Variants in ATG16L1 observed in about 807,000 individuals in gnomAD.
ATG16L1 encodes autophagy related 16 like 1.
In ATG16L1, 37 loss-of-function variants were observed where a neutral mutation model predicts 88.5. That is an observed-to-expected ratio of 0.42 (90% CI 0.32 to 0.55). The LOEUF is 0.55. ATG16L1 is among the 20% of genes least tolerant of loss of function. ATG16L1 has a pLI of 0.13. For synonymous variants in ATG16L1, 301 were observed against 281.0 expected (o/e 1.07, Z -0.71); for missense variants, 554 against 752.8 (o/e 0.74, Z 3.09).
chr2:233,274,686 G>A lies in ATG16L1; in HGVS notation c.862G>A (p.Val288Ile), dbSNP rs781331480. ...SITNIFGRRSVSSFPVPQDNV... is the reference protein window; with the variant it reads ...SITNIFGRRSISSFPVPQDNV... ...TATGTTATTTCTTAGGAGACGCTCT[G>A]TCTCTTCCTTCCCAGTCCCCCAGGA... is the stretch of plus-strand genomic sequence containing the variant. The change falls in exon 9 of 18, where the codon GTC becomes ATC. Residue 288 changes from valine (V) to isoleucine (I), a missense_variant. By Grantham distance (29) the Val-to-Ile change is conservative. Transcript: ENST00000392017. 8.7e-6 allele frequency: 14 copies of A among 1,607,986 alleles called. No individual in the cohort carries two copies. The highest frequency in any genetic ancestry group is 1.2e-5 in the Non-Finnish European group (14 of 1,174,568).
rs770286194 is a variant in ATG16L1 at position 233,273,683 on chromosome 2, G to A, written c.795-38G>A. The A allele has an allele frequency of 1.9e-6, 3 of 1,601,018 alleles. No individual in the cohort carries two copies. The South Asian group carries it at 3.3e-5, about 18-fold the overall frequency. On this transcript the variant is annotated intron_variant, in intron 7 of 17. Coordinates refer to ENST00000392017, the MANE Select transcript of ATG16L1 (RefSeq NM_030803.7). Reference sequence around the variant, plus strand: ...TATTGATTGATTATTTGGGCAAAATGTTTCTAAGGTTTAAACCTATCCTCC... The same window carrying A: ...TATTGATTGATTATTTGGGCAAAATATTTCTAAGGTTTAAACCTATCCTCC...
rs115951172 is a variant in ATG16L1 at position 233,262,800 on chromosome 2, C to G, written c.210-330C>G. On this transcript the variant is annotated intron_variant, in intron 2 of 17. Coordinates refer to ENST00000392017, the MANE Select transcript of ATG16L1 (RefSeq NM_030803.7). ...GTGTGGAAGCAGAGCCCTGCACTCA[C>G]TGCTGCGTCATCGGCACTCAGGTCC... is the stretch of plus-strand genomic sequence containing the variant. Among the ~76,000 whole-genome samples, 845 of 152,342 alleles carry G rather than the reference C, an allele frequency of 5.5e-3. 16 individuals carry two copies. Among genetic ancestry groups the G allele is most frequent in the African/African-American group, 0.02 (821 of 41,578 alleles).
At position 233,251,739 on chromosome 2, in the gene ATG16L1, C is replaced by A; in HGVS notation, c.-89C>A. On this transcript the variant is annotated 5_prime_UTR_variant, in exon 1 of 18. Coordinates refer to ENST00000392017, the MANE Select transcript of ATG16L1 (RefSeq NM_030803.7). ...GTGAGCTCCGGGATTGCCGGCATTC[C>A]CGCTTCTGCTGGTTGCTTCATGCTG... 1 of 1,243,942 alleles carries A rather than the reference C, an allele frequency of 8.0e-7. No individual in the cohort carries two copies. The highest frequency in any genetic ancestry group is 1.1e-6 in the Non-Finnish European group (1 of 876,910). The allele number at this position is 1,243,942 out of a possible 1,614,324, so 77.1% of individuals were successfully genotyped here.
chr2:233,292,028 T>A, intron 14 of ATG16L1, 100 bp from the exon 15 acceptor site: 3 of 1,399,112 alleles, frequency 2.1e-6, no homozygotes, highest in Admixed American at 2.0e-5. Context: ...GGCAGAGCGT[T>A]GCATGCTAGT....
At chr2:233,270,810 G>A (rs1697942155) in intron 6 of ATG16L1, among the ~76,000 whole-genome samples, 1 of 152,174 alleles carries the variant, frequency 6.6e-6, no homozygotes, top group Non-Finnish European at 1.5e-5. Context: ...TTTCATAGTG[G>A]TAGAAAAGAG....
At chr2:233,269,059 A>G (rs545920357) in intron 5 of ATG16L1, among the ~76,000 whole-genome samples, 3 of 151,980 alleles carry the variant, frequency 2.0e-5, no homozygotes, top group Non-Finnish European at 4.4e-5. Flanking sequence ...TAGGACTTGA[A>G]TGAGAGACAA....
chr2:233,268,127 G>A (rs1414546868), intron 5 of ATG16L1, among the ~76,000 whole-genome samples: 6 of 152,120 alleles, frequency 3.9e-5, no homozygotes, highest in South Asian at 2.1e-4. Flanking sequence ...ATGCTGCCAC[G>A]TGTCCCTGTG....
At chr2:233,279,499 G>A (rs1026539747) in intron 10 of ATG16L1, among the ~76,000 whole-genome samples, 1 of 152,194 alleles carries the variant, frequency 6.6e-6, no homozygotes, top group Non-Finnish European at 1.5e-5. Context: ...ACAGTTTTGT[G>A]TAGGGCCTTT....
At chr2:233,293,434 T>G in intron 17 of ATG16L1, 77 bp downstream of exon 17, 630 of 1,339,804 alleles carry the variant, frequency 4.7e-4, no homozygotes, top group Non-Finnish European at 6.1e-4. Context: ...TCATCCGGTT[T>G]AGACCTCAGT....
intron 12 of ATG16L1, among the ~76,000 whole-genome samples, chr2:233,284,567 C>T (rs1029396749): frequency 2.0e-5 from 3 of 152,088 alleles, no homozygotes; most frequent in Non-Finnish European, 2.9e-5. Flanking sequence ...CTCCTGACCT[C>T]GTGATCCACC....
chr2:233,257,633 A>T (rs1040931723), intron 2 of ATG16L1, among the ~76,000 whole-genome samples: 3 of 152,344 alleles, frequency 2.0e-5, no homozygotes, highest in African/African-American at 7.2e-5. Flanking sequence ...AAGTAGAGGA[A>T]CATCAGTATT....
chr2:233,290,712 A>C (rs551631025), intron 14 of ATG16L1, among the ~76,000 whole-genome samples: 1 of 152,320 alleles, frequency 6.6e-6, no homozygotes, highest in South Asian at 2.1e-4. Flanking sequence ...TGTGTTAAAG[A>C]ATGCCTCTCC....
At chr2:233,253,770 G>C (rs1048369286) in intron 1 of ATG16L1, among the ~76,000 whole-genome samples, 6 of 152,176 alleles carry the variant, frequency 3.9e-5, no homozygotes, top group Non-Finnish European at 5.9e-5. Flanking sequence ...AGAAGAAAGA[G>C]GATGCTTTGC....
intron 9 of ATG16L1, among the ~76,000 whole-genome samples, chr2:233,276,840 T>C (rs910551194): frequency 6.6e-6 from 1 of 152,228 alleles, no homozygotes; most frequent in African/African-American, 2.4e-5. Flanking sequence ...TTGCCAGTGT[T>C]TATGCCAGTA....
At position 233,270,014 on chromosome 2, in the gene ATG16L1, C is replaced by G; in HGVS notation, c.654C>G (p.Ala218=). The G allele has an allele frequency of 6.3e-7, 1 of 1,579,100 alleles. No individual in the cohort carries two copies. Among genetic ancestry groups the G allele is most frequent in the Non-Finnish European group, 8.6e-7 (1 of 1,166,562 alleles). The change falls in exon 6 of 18, where the codon GCC becomes GCG. Residue 218 remains alanine, a synonymous_variant. Coordinates refer to ENST00000392017, the MANE Select transcript of ATG16L1 (RefSeq NM_030803.7). The stretch of plus-strand genomic sequence containing the variant: ...TTTTTCCCAACAGGAGGCGGCAAGC[C>G]CGGCTGCAGAAAGAGCTTGCAGAAG... ...ENEKDSRRRQ[A]RLQKELAEAA...
At chr2:233,270,155 T>A in intron 6 of ATG16L1, 88 bp downstream of exon 6, 1 of 1,327,026 alleles carries the variant, frequency 7.5e-7, no homozygotes, top group Non-Finnish European at 1.0e-6. Context: ...TTGTTTGGTT[T>A]TTTTTGAGAC....
At chr2:233,259,691 T>G (rs1333621551) in intron 2 of ATG16L1, among the ~76,000 whole-genome samples, 1 of 152,170 alleles carries the variant, frequency 6.6e-6, no homozygotes, top group East Asian at 1.9e-4. Flanking sequence ...CCTGACTTCT[T>G]TGTTTCCATT....
Position 233,264,881 on chromosome 2 carries a change from C to T in ATG16L1, c.390-11C>T. On this transcript the variant is annotated splice_polypyrimidine_tract_variant and intron_variant, in intron 4 of 17. Coordinates refer to ENST00000392017, the MANE Select transcript of ATG16L1 (RefSeq NM_030803.7). ...CGAGGTACTATTCGTCCTCTGATGTCATGCTTCCAGAATTGCAGAATGTTT... is the reference window on the plus strand; with the variant it reads ...CGAGGTACTATTCGTCCTCTGATGTTATGCTTCCAGAATTGCAGAATGTTT... The T allele has an allele frequency of 6.2e-7, 1 of 1,613,532 alleles. No homozygotes were observed.
In ATG16L1 at chr2:233,256,195, G is replaced by A. The variant is rs769869872; in HGVS notation, c.209G>A (p.Ser70Asn). ...GACGTACCAAACAGGCACGAGATAA[G>A]GTATTTTGAAACTAACTTGTATTAT... ...KHDVPNRHEI[S>N]PGHDGTWNDN... is the part of the protein sequence containing the mutation. Residue 70 changes from serine (S) to asparagine (N), a missense_variant and splice_region_variant, in exon 2 of 18, where the codon AGT (serine) becomes AAT (asparagine). Physicochemically the swap from Ser to Asn is conservative, Grantham distance 46. Around this residue, in one of 5 missense-constraint regions of ATG16L1, gnomAD observed 101 missense variants for 107.0 expected, o/e 0.94. Transcript: ENST00000392017. The A allele has an allele frequency of 6.2e-7, 1 of 1,612,394 alleles. No homozygotes were observed.
Sources: allele counts gnomAD v4.1 joint callset (sites outside exome capture counted in the v4.1 genomes callset), GRCh38; gene constraint gnomAD v4.1.1; regional missense constraint gnomAD v4.1.1; transcripts MANE v1.5; gene names NCBI Gene and HGNC (gene_info 2026-07-23, HGNC 2026-07-21).